DMD: variants seen among roughly 807,000 people sequenced by gnomAD.
DMD encodes the protein dystrophin, also known as mutant dystrophin.
Under a neutral mutation model 330.1 loss-of-function variants are expected in DMD, and 63 were observed. The observed-to-expected ratio is 0.19, with a 90% CI of 0.16 to 0.24. DMD has a LOEUF of 0.24. Ranked by LOEUF, DMD falls within the 10% of genes least tolerant of loss-of-function variation. DMD has a pLI of 1.00. For missense variants in DMD, 3,344 were observed against 2,684.1 expected (o/e 1.25, Z -5.43); for synonymous variants, 1,223 against 959.8 (o/e 1.27, Z -5.07).
chrX:32,764,597 C>A (rs1050490516), intron 7 of DMD, among the ~76,000 whole-genome samples: 6 of 111,704 alleles, frequency 5.4e-5, no homozygotes, highest in Non-Finnish European at 9.4e-5. Flanking sequence ...CATCAAGATT[C>A]ATCCATGCTA....
intron 62 of DMD, among the ~76,000 whole-genome samples, chrX:31,271,898 C>T (rs767682232): frequency 5.4e-5 from 6 of 110,670 alleles, no homozygotes; most frequent in Non-Finnish European, 1.1e-4. Flanking sequence ...TAACAATCCC[C>T]CTAGATCAAT....
chrX:31,482,233 GT>G (rs1374713892), intron 57 of DMD, among the ~76,000 whole-genome samples: 3,109 of 92,496 alleles, frequency 0.034, 93 homozygotes, highest in African/African-American at 0.058. Flanking sequence ...GTGTGTGTGT[GT>G]GTGGGGGGGG....
chrX:32,501,991 G>A, intron 18 of DMD, 149 bp from the exon 19 acceptor site: 1 of 467,065 alleles, frequency 2.1e-6, no homozygotes. Flanking sequence ...CAACACTTTT[G>A]CCATCAAAAA....
At chrX:31,177,205 T>G (rs1370471750) in intron 71 of DMD, among the ~76,000 whole-genome samples, 1 of 111,500 alleles carries the variant, frequency 9.0e-6, no homozygotes, top group Non-Finnish European at 1.9e-5. Context: ...CATTATAAAC[T>G]CTGAGATAAA....
chrX:32,488,933 G>T (rs1384632035), intron 20 of DMD, among the ~76,000 whole-genome samples: 1 of 110,603 alleles, frequency 9.0e-6, no homozygotes. Context: ...TGTTCCTTCT[G>T]CCTGGAATCT....
intron 61 of DMD, among the ~76,000 whole-genome samples, chrX:31,326,115 C>T (rs1294004939): frequency 2.7e-5 from 3 of 110,362 alleles, no homozygotes; most frequent in Non-Finnish European, 3.8e-5. Flanking sequence ...CCTGGCCTGG[C>T]TTAGGGGCTT....
intron 17 of DMD, among the ~76,000 whole-genome samples, chrX:32,523,886 GTTTGT>G (rs1469221823): frequency 9.4e-6 from 1 of 106,683 alleles, no homozygotes; most frequent in African/African-American, 3.4e-5. Flanking sequence ...AAACAAAGTT[GTTTGT>G]TTTTAGTTTG....
Position 31,908,419 on chromosome X carries a change from G to A in DMD, c.6912+21177C>T, listed in dbSNP as rs868060650. 1.7e-4 allele frequency among the ~76,000 whole-genome samples: 19 copies of A among 110,919 alleles called. No individual in the cohort carries two copies. In the Middle Eastern group the frequency reaches 0.014, roughly 82 times the overall value. On this transcript the variant is annotated intron_variant, in intron 47 of 78. Coordinates refer to ENST00000357033, the MANE Select transcript of DMD (RefSeq NM_004006.3). ...GATGAGTTGTTTATGTCCTTTGAAG[G>A]GACATGGATGAAGCTGGAAACCAAC...
chrX:31,866,782 G>T (rs954054100), intron 48 of DMD, among the ~76,000 whole-genome samples: 1 of 111,705 alleles, frequency 9.0e-6, no homozygotes, highest in Non-Finnish European at 1.9e-5. Context: ...AGGAAAAAGA[G>T]AATAACTTTG....
chrX:31,120,756 G>GTT lies in DMD; in HGVS notation c.*1161_*1162dup, dbSNP rs2032282202. 9.1e-6 allele frequency: 1 copy of GTT among 110,326 alleles called. No individual in the cohort carries two copies. Among genetic ancestry groups the GTT allele is most frequent in the Non-Finnish European group, 1.9e-5 (1 of 52,844 alleles). 9.1% of individuals were successfully genotyped at this position (110,326 alleles called of 1,213,427 possible). ...ATCATCGTCCTGCTACTGCTTGGGA[G>GTT]TTAAAAAATACCTTCTGATGTTCAC... On this transcript the variant is annotated 3_prime_UTR_variant, in exon 79 of 79. Transcript: ENST00000357033.
chrX:33,022,113 T>C (rs967506939), intron 1 of DMD, among the ~76,000 whole-genome samples: 3 of 111,533 alleles, frequency 2.7e-5, no homozygotes, highest in African/African-American at 9.8e-5. Context: ...ATTCCACTTA[T>C]ATTTCCTACA....
At position 31,734,592 on chromosome X, in the gene DMD, A is replaced by G. The variant is rs759738001; in HGVS notation, c.7543-4844T>C. Among the ~76,000 whole-genome samples the G allele has an allele frequency of 5.4e-5, 6 of 111,864 alleles. No individual in the cohort carries two copies. The South Asian group carries it at 2.2e-3, about 42-fold the overall frequency. On this transcript the variant is annotated intron_variant, in intron 51 of 78. Transcript: ENST00000357033. ...CAACAGAGGCCAGGTATTTTGTAGA[A>G]TATCCCCCAAATTTGAGTTATAGCA...
intron 1 of DMD, among the ~76,000 whole-genome samples, chrX:33,068,694 C>A (rs2094700736): frequency 8.9e-6 from 1 of 112,263 alleles, no homozygotes; most frequent in Non-Finnish European, 1.9e-5. Context: ...AATCTTCCAA[C>A]ATTTTTGGCT....
chrX:32,425,934 C>T (rs1038324598), intron 29 of DMD, among the ~76,000 whole-genome samples: 5 of 111,483 alleles, frequency 4.5e-5, no homozygotes, highest in Admixed American at 1.9e-4. Flanking sequence ...ACTGGCTAAC[C>T]GTATACAGAA....
rs1167154749 is a variant in DMD at position 32,345,927 on chromosome X, A to G, written c.5586+16T>C. 1.3e-5 allele frequency: 16 copies of G among 1,203,897 alleles called. No individual in the cohort carries two copies. Among genetic ancestry groups the G allele is most frequent in the Non-Finnish European group, 1.7e-5 (15 of 891,765 alleles). ...AAAACCACAGGCAAGGTATATTATA[A>G]TTTTAGCTCTAATACCTTGAGAGCA... On this transcript the variant is annotated intron_variant, in intron 39 of 78. Coordinates refer to ENST00000357033, the MANE Select transcript of DMD (RefSeq NM_004006.3).
intron 78 of DMD, among the ~76,000 whole-genome samples, chrX:31,124,800 A>C (rs2033393302): frequency 8.9e-6 from 1 of 111,910 alleles, no homozygotes; most frequent in African/African-American, 3.2e-5. Flanking sequence ...TTTCTGGCAA[A>C]GATCCAAGAC....
intron 13 of DMD, among the ~76,000 whole-genome samples, chrX:32,582,947 G>T (rs2053818295): frequency 9.0e-6 from 1 of 111,640 alleles, no homozygotes; most frequent in African/African-American, 3.3e-5. Flanking sequence ...CCCAGTCTCT[G>T]TGGGACAGTA....
chrX:32,478,463 T>C (rs147790409), intron 21 of DMD, among the ~76,000 whole-genome samples: 1,197 of 111,599 alleles, frequency 0.011, 9 homozygotes, highest in African/African-American at 0.034. Flanking sequence ...AAAGTAAGCA[T>C]TTCTCTAAAA....
intron 55 of DMD, among the ~76,000 whole-genome samples, chrX:31,535,869 A>G (rs1240265244): frequency 8.9e-6 from 1 of 111,946 alleles, no homozygotes; most frequent in Non-Finnish European, 1.9e-5. Flanking sequence ...GAATGATATC[A>G]GGGTTTAGAT....
Sources: gnomAD v4.1 joint callset for allele counts (sites outside exome capture counted in the v4.1 genomes callset) on GRCh38, gnomAD v4.1.1 for gene constraint, MANE v1.5 for transcripts, NCBI Gene and HGNC (gene_info 2026-07-23, HGNC 2026-07-21) for gene names.